The following ANO3 variants were observed in gnomAD, a reference collection of about 807,000 sequenced individuals.
ANO3 encodes anoctamin 3, also known as anoctamin-3.
A neutral mutation model predicts 144.8 loss-of-function variants in ANO3; 99 were observed. The observed-to-expected ratio is 0.68, with a 90% CI of 0.58 to 0.81. The LOEUF (loss-of-function observed/expected upper bound fraction) is 0.81, where lower values mean the gene tolerates loss of function less well. Among genes scored for constraint, ANO3 ranks in the 30% least tolerant of loss-of-function variants. ANO3 has a pLI of 0.00. For missense variants in ANO3, 905 were observed against 1,202.2 expected, an observed-to-expected ratio of 0.75 and a Z score of 3.66; for synonymous variants, 414 against 392.6, an observed-to-expected ratio of 1.05 and a Z score of -0.64.
chr11:26,384,043 G>A (rs986115604), intron 1 of ANO3, among the ~76,000 whole-genome samples: 22 of 151,400 alleles, frequency 1.5e-4, no homozygotes, highest in African/African-American at 3.4e-4. Context: ...GATTACAGGC[G>A]CGTGCCACCA....
At chr11:26,211,901 C>G (rs546044732) in intron 1 of ANO3, among the ~76,000 whole-genome samples, 19 of 149,828 alleles carry the variant, frequency 1.3e-4, no homozygotes, top group African/African-American at 4.4e-4. Flanking sequence ...ATGAGTTCAC[C>G]TTTGCAGGGA....
chr11:26,378,341 TTATA>T (rs907232672), intron 1 of ANO3, among the ~76,000 whole-genome samples: 29 of 148,376 alleles, frequency 2.0e-4, no homozygotes, highest in African/African-American at 6.6e-4. Context: ...TAACTATAGA[TTATA>T]TATATCTATA....
At chr11:26,466,408 T>A (rs1859603820) in intron 4 of ANO3, among the ~76,000 whole-genome samples, 1 of 151,998 alleles carries the variant, frequency 6.6e-6, no homozygotes, top group Non-Finnish European at 1.5e-5. Flanking sequence ...GCTTTTCCCA[T>A]CAAGAGATAG....
chr11:26,205,117 G>C (rs187624054), intron 1 of ANO3, among the ~76,000 whole-genome samples: 4 of 152,048 alleles, frequency 2.6e-5, no homozygotes, highest in African/African-American at 7.2e-5. Flanking sequence ...TCACTATCAC[G>C]AGAACAGCAT....
chr11:26,282,388 A>G lies in ANO3; in HGVS notation c.155-27257A>G, dbSNP rs574840888. Among the ~76,000 whole-genome samples, 26 of 152,122 alleles carry G rather than the reference A, an allele frequency of 1.7e-4. No individual in the cohort carries two copies. In the East Asian group the frequency reaches 5.0e-3, roughly 29 times the overall value. ...TTGTTGGTTGTTAGGAAACTCAGAC[A>G]TAAACTTTTATGAACTTCTAATAAA... On this transcript the variant is annotated intron_variant, in intron 1 of 27. Coordinates refer to the ANO3 transcript ENST00000672621.
chr11:26,363,965 A>G (rs1446001928), intron 1 of ANO3, among the ~76,000 whole-genome samples: 1 of 152,220 alleles, frequency 6.6e-6, no homozygotes. Flanking sequence ...CCATTAAGCC[A>G]TGACCAGGAC....
intron 1 of ANO3, among the ~76,000 whole-genome samples, chr11:26,289,027 C>T (rs1359725564): frequency 6.6e-6 from 1 of 152,118 alleles, no homozygotes; most frequent in Non-Finnish European, 1.5e-5. Context: ...CATTCAACAA[C>T]TATGGAGTGC....
At chr11:26,557,258 G>A (rs142838673) in intron 13 of ANO3, among the ~76,000 whole-genome samples, 3 of 152,018 alleles carry the variant, frequency 2.0e-5, no homozygotes, top group African/African-American at 7.2e-5. Context: ...TCAGGAGATC[G>A]AGACCATCCT....
intron 20 of ANO3, among the ~76,000 whole-genome samples, chr11:26,637,344 C>A (rs1456349546): frequency 6.6e-6 from 1 of 152,126 alleles, no homozygotes; most frequent in Non-Finnish European, 1.5e-5. Context: ...TTGTGTTAAA[C>A]CCACACTTCA....
intron 14 of ANO3, among the ~76,000 whole-genome samples, chr11:26,580,988 C>T (rs577501977): frequency 2.6e-5 from 4 of 152,134 alleles, no homozygotes; most frequent in African/African-American, 4.8e-5. Flanking sequence ...CAGAAACTTA[C>T]GTAAACGTTT....
At chr11:26,487,285 G>A (rs1167259055) in intron 4 of ANO3, among the ~76,000 whole-genome samples, 5 of 152,090 alleles carry the variant, frequency 3.3e-5, no homozygotes, top group Non-Finnish European at 7.4e-5. Flanking sequence ...AGGGGTTTCC[G>A]GTTTTGCTTC....
At chr11:26,295,474 G>A (rs1210443718) in intron 1 of ANO3, among the ~76,000 whole-genome samples, 2 of 137,176 alleles carry the variant, frequency 1.5e-5, no homozygotes, top group Admixed American at 7.8e-5. Flanking sequence ...GCAGTGAGCT[G>A]AGATAGCGCC....
intron 4 of ANO3, among the ~76,000 whole-genome samples, chr11:26,495,986 A>T (rs539983241): frequency 8.5e-5 from 13 of 152,336 alleles, no homozygotes; most frequent in Admixed American, 1.3e-4. Context: ...AGAAATTTTG[A>T]TTCTTTGATA....
intron 1 of ANO3, among the ~76,000 whole-genome samples, chr11:26,394,123 CT>C (rs1163881116): frequency 2.0e-4 from 31 of 152,256 alleles, no homozygotes; most frequent in African/African-American, 7.2e-4. Flanking sequence ...CCATAAGCCA[CT>C]TGGTTTTATT....
intron 3 of ANO3, among the ~76,000 whole-genome samples, chr11:26,461,944 A>T (rs1357862680): frequency 2.0e-5 from 3 of 151,980 alleles, no homozygotes; most frequent in Non-Finnish European, 2.9e-5. Context: ...AAGTGTAACC[A>T]CTAAAAGCTT....
Position 26,355,349 on chromosome 11 carries a change from C to G in ANO3, c.46+23028C>G, listed in dbSNP as rs144432788. The stretch of plus-strand genomic sequence containing the variant: ...TAAGATGGATTTTTTTTCCTTTCAT[C>G]ACTTTTATAGCATTATTCTGCTGCT... On this transcript the variant is annotated intron_variant, in intron 1 of 26. Transcript: ENST00000256737. Among the ~76,000 whole-genome samples, 62 of 152,064 alleles carry G rather than the reference C, an allele frequency of 4.1e-4. 1 individual carries two copies. Among genetic ancestry groups the G allele is most frequent in the African/African-American group, 1.4e-3 (58 of 41,482 alleles).
chr11:26,425,329 C>G (rs1409807666), intron 1 of ANO3, among the ~76,000 whole-genome samples: 2 of 151,962 alleles, frequency 1.3e-5, no homozygotes, highest in Non-Finnish European at 2.9e-5. Flanking sequence ...TCAAACATTC[C>G]CCTATCACTT....
At chr11:26,443,587 G>A (rs888569489) in intron 2 of ANO3, among the ~76,000 whole-genome samples, 178 bp from the exon 3 acceptor site, 4 of 152,114 alleles carry the variant, frequency 2.6e-5, no homozygotes, top group Non-Finnish European at 5.9e-5. Flanking sequence ...GAGTGACAGC[G>A]AGACTCCGTT....
At chr11:26,577,899 G>A (rs1851032177) in intron 14 of ANO3, among the ~76,000 whole-genome samples, 2 of 152,134 alleles carry the variant, frequency 1.3e-5, no homozygotes, top group South Asian at 4.1e-4. Flanking sequence ...GTAAAAATAT[G>A]ATAGGATCAA....
Sources: gnomAD v4.1 joint callset for allele counts (sites outside exome capture counted in the v4.1 genomes callset) on GRCh38, gnomAD v4.1.1 for gene constraint, MANE v1.5 for transcripts, NCBI Gene and HGNC (gene_info 2026-07-23, HGNC 2026-07-21) for gene names.